Variants in ROBO2 observed in about 807,000 individuals in gnomAD.
The protein encoded by ROBO2 is roundabout homolog 2.
Under a neutral mutation model 160.8 loss-of-function variants are expected in ROBO2, and 53 were observed. The ratio of observed to expected loss-of-function variants is 0.33; its 90% CI spans 0.26 to 0.41. The LOEUF is 0.41. ROBO2 is among the 10% of genes least tolerant of loss of function. The pLI, the probability that ROBO2 is intolerant of heterozygous loss-of-function variation, is 1.00. For synonymous variants in ROBO2, 664 were observed against 611.7 expected, an observed-to-expected ratio of 1.09 and a Z score of -1.26; for missense variants, 1,577 against 1,722.4, an observed-to-expected ratio of 0.92 and a Z score of 1.49.
At chr3:77,484,838 G>A (rs911720578) in intron 4 of ROBO2, among the ~76,000 whole-genome samples, 1 of 151,946 alleles carries the variant, frequency 6.6e-6, no homozygotes, top group Non-Finnish European at 1.5e-5. Flanking sequence ...TGAGTTGAAT[G>A]TTATAGTATT....
chr3:76,119,515 A>G (rs922336067), intron 2 of ROBO2, among the ~76,000 whole-genome samples: 5 of 152,150 alleles, frequency 3.3e-5, no homozygotes, highest in African/African-American at 9.6e-5. Flanking sequence ...ATGGTTTTAT[A>G]TAATTATTGA....
chr3:75,976,256 TTG>T (rs2065131303), intron 2 of ROBO2, among the ~76,000 whole-genome samples: 1 of 151,680 alleles, frequency 6.6e-6, no homozygotes. Flanking sequence ...ACTGAAATGT[TTG>T]TGTTAGCAGT....
chr3:76,099,307 T>C (rs2069584600), intron 2 of ROBO2, among the ~76,000 whole-genome samples: 1 of 152,114 alleles, frequency 6.6e-6, no homozygotes, highest in African/African-American at 2.4e-5. Context: ...TTAAGGATAA[T>C]ATATTTAGTC....
chr3:76,891,163 T>C (rs2148816848), intron 2 of ROBO2, among the ~76,000 whole-genome samples: 1 of 152,270 alleles, frequency 6.6e-6, no homozygotes, highest in South Asian at 2.1e-4. Flanking sequence ...TCATGATTGA[T>C]TTTTAAATAT....
intron 2 of ROBO2, among the ~76,000 whole-genome samples, chr3:76,108,544 T>A (rs1207276743): frequency 2.6e-5 from 4 of 151,908 alleles, no homozygotes; most frequent in Non-Finnish European, 5.9e-5. Flanking sequence ...CATCTTTGTT[T>A]TGAATTATAT....
chr3:77,460,943 G>A (rs6798071), intron 2 of ROBO2, among the ~76,000 whole-genome samples: 116,577 of 152,024 alleles, frequency 0.77, 45,286 homozygotes, highest in African/African-American at 0.89. Flanking sequence ...TGAGCCATCC[G>A]CTGTTGTATG....
chr3:77,566,081 T>C (rs926308127), intron 12 of ROBO2, among the ~76,000 whole-genome samples: 49 of 152,132 alleles, frequency 3.2e-4, no homozygotes, highest in African/African-American at 1.1e-3. Flanking sequence ...AGTATTTTTA[T>C]GCAATGAAAA....
intron 2 of ROBO2, among the ~76,000 whole-genome samples, chr3:75,972,207 T>C (rs2065015810): frequency 6.6e-6 from 1 of 151,688 alleles, no homozygotes; most frequent in Admixed American, 6.6e-5. Context: ...AGACAAGCAC[T>C]TTTAAGAGAG....
chr3:76,759,779 A>G lies in ROBO2; in HGVS notation c.110-338235A>G, dbSNP rs557863635. ...TGATCTTTGTGGTAACTATCTAGCC[A>G]TGAAACTTCTCTTCATTGCTGTAAC... On this transcript the variant is annotated intron_variant, in intron 2 of 26. Transcript: ENST00000487694. 2.6e-5 allele frequency among the ~76,000 whole-genome samples: 4 copies of G among 151,910 alleles called. No homozygotes were observed. The East Asian group carries it at 5.9e-4, about 22-fold the overall frequency.
At chr3:77,434,684 T>C (rs190248156) in intron 2 of ROBO2, among the ~76,000 whole-genome samples, 14 of 152,240 alleles carry the variant, frequency 9.2e-5, no homozygotes, top group Admixed American at 6.6e-4. Flanking sequence ...CCCATTACCA[T>C]GCATAATGAA....
intron 2 of ROBO2, among the ~76,000 whole-genome samples, chr3:76,291,329 G>T (rs1364446336): frequency 1.3e-5 from 2 of 152,066 alleles, no homozygotes; most frequent in African/African-American, 4.8e-5. Flanking sequence ...TAGTTTATGT[G>T]CATAGAGGTG....
At chr3:76,601,356 C>T (rs180939166) in intron 2 of ROBO2, among the ~76,000 whole-genome samples, 40 of 152,280 alleles carry the variant, frequency 2.6e-4, no homozygotes, top group African/African-American at 9.1e-4. Flanking sequence ...CCCCACGTTT[C>T]CCTTCAGCAC....
chr3:77,075,598 A>G (rs779697487), intron 1 of ROBO2, among the ~76,000 whole-genome samples: 2 of 151,284 alleles, frequency 1.3e-5, no homozygotes, highest in Non-Finnish European at 2.9e-5. Context: ...AAATGTTGAT[A>G]TATACAACAA....
At chr3:76,207,732 A>G (rs1702898551) in intron 2 of ROBO2, among the ~76,000 whole-genome samples, 1 of 152,218 alleles carries the variant, frequency 6.6e-6, no homozygotes, top group South Asian at 2.1e-4. Flanking sequence ...GTCCGTAGGG[A>G]TAATGTGGAT....
At chr3:76,566,954 C>G (rs1251568092) in intron 2 of ROBO2, among the ~76,000 whole-genome samples, 1 of 152,148 alleles carries the variant, frequency 6.6e-6, no homozygotes, top group African/African-American at 2.4e-5. Context: ...GGCAGTAAAA[C>G]TCAGCTACCT....
chr3:76,155,514 A>T (rs1261234742), intron 2 of ROBO2, among the ~76,000 whole-genome samples: 2 of 152,194 alleles, frequency 1.3e-5, no homozygotes, highest in African/African-American at 4.8e-5. Context: ...TGATAAATCG[A>T]TTTAACAAAT....
At chr3:77,335,144 G>A (rs13434227) in intron 2 of ROBO2, among the ~76,000 whole-genome samples, 65,861 of 152,006 alleles carry the variant, frequency 0.43, 17,547 homozygotes, top group Non-Finnish European at 0.61. Flanking sequence ...GTTAAGTTTG[G>A]GCATGGTGGC....
chr3:76,864,978 T>C (rs957659492), intron 2 of ROBO2, among the ~76,000 whole-genome samples: 1 of 152,120 alleles, frequency 6.6e-6, no homozygotes, highest in Non-Finnish European at 1.5e-5. Context: ...AGATTTAGCA[T>C]AGCTAAATTG....
At chr3:77,027,936 G>A (rs990950175) in intron 2 of ROBO2, among the ~76,000 whole-genome samples, 1 of 152,044 alleles carries the variant, frequency 6.6e-6, no homozygotes, top group Non-Finnish European at 1.5e-5. Context: ...AAGCTACAAA[G>A]CAAAATTTAG....
Sources: gnomAD v4.1 joint callset for allele counts (sites outside exome capture counted in the v4.1 genomes callset) on GRCh38, gnomAD v4.1.1 for gene constraint, MANE v1.5 for transcripts, NCBI Gene and HGNC (gene_info 2026-07-23, HGNC 2026-07-21) for gene names.